COL21A1: variants seen among roughly 807,000 people sequenced by gnomAD.
The protein encoded by COL21A1 is collagen alpha-1(XXI) chain.
Under a neutral mutation model 137.9 loss-of-function variants are expected in COL21A1, and 149 were observed. That is an observed-to-expected ratio of 1.08 (90% CI 0.95 to 1.24). The LOEUF (loss-of-function observed/expected upper bound fraction) is 1.24, where lower values mean the gene tolerates loss of function less well. Ranked by LOEUF, COL21A1 falls within the 50% of genes most tolerant of loss-of-function variation. The probability of loss-of-function intolerance (pLI) is 0.00; values close to 1 mark genes in which losing one functional copy is unlikely to be tolerated. For missense variants in COL21A1, 1,167 were observed against 1,158.4 expected, an observed-to-expected ratio of 1.01 and a Z score of -0.11; for synonymous variants, 456 against 391.5, an observed-to-expected ratio of 1.16 and a Z score of -1.95.
chr6:56,367,529 G>A (rs933694498), intron 1 of COL21A1, among the ~76,000 whole-genome samples: 5 of 152,186 alleles, frequency 3.3e-5, no homozygotes, highest in African/African-American at 1.2e-4. Context: ...GACGCTTTGA[G>A]ACAATAAGGG....
Position 56,220,430 on chromosome 6 carries a change from G to A in COL21A1, c.-39+26957C>T, listed in dbSNP as rs147586802. 1.7e-3 allele frequency among the ~76,000 whole-genome samples: 265 copies of A among 152,258 alleles called. 2 individuals carry two copies. The highest frequency in any genetic ancestry group is 6.1e-3 in the African/African-American group (254 of 41,572). Reference sequence around the variant, plus strand: ...AACACAAAGGAAGTTTAAAATTGCTGAACAATATCAGTGTTGTCTATGCTT... The same window carrying A: ...AACACAAAGGAAGTTTAAAATTGCTAAACAATATCAGTGTTGTCTATGCTT... On this transcript the variant is annotated intron_variant, in intron 1 of 29. Transcript: ENST00000244728.
chr6:56,098,540 A>AAT (rs1361773614), intron 17 of COL21A1, among the ~76,000 whole-genome samples: 1 of 9,350 alleles, frequency 1.1e-4, no homozygotes, highest in African/African-American at 6.7e-4. Context: ...TATATATATA[A>AAT]ATATATAAAT....
intron 1 of COL21A1, among the ~76,000 whole-genome samples, chr6:56,340,851 T>C (rs1765450808): frequency 6.6e-6 from 1 of 152,214 alleles, no homozygotes; most frequent in South Asian, 2.1e-4. Context: ...AGTTGTTAGC[T>C]CATGGAGCAA....
At chr6:56,115,086 G>A (rs1281478805) in intron 16 of COL21A1, among the ~76,000 whole-genome samples, 2 of 150,852 alleles carry the variant, frequency 1.3e-5, no homozygotes, top group African/African-American at 2.4e-5. Context: ...TCACTCATAG[G>A]TGGGAATTGA....
At chr6:56,127,382 C>A (rs1047165568) in intron 12 of COL21A1, among the ~76,000 whole-genome samples, 1 of 152,166 alleles carries the variant, frequency 6.6e-6, no homozygotes, top group Non-Finnish European at 1.5e-5. Flanking sequence ...ACTCCAAAAT[C>A]TTTCCAACTG....
chr6:56,320,988 A>G (rs1778656885), intron 1 of COL21A1, among the ~76,000 whole-genome samples: 1 of 152,250 alleles, frequency 6.6e-6, no homozygotes, highest in Non-Finnish European at 1.5e-5. Flanking sequence ...GTGGGGATTC[A>G]ATATATATTA....
chr6:56,223,877 T>C (rs902045422), intron 1 of COL21A1, among the ~76,000 whole-genome samples: 11 of 152,058 alleles, frequency 7.2e-5, no homozygotes, highest in African/African-American at 2.7e-4. Flanking sequence ...TTTTTTAAAC[T>C]GTAAAGTATT....
intron 1 of COL21A1, among the ~76,000 whole-genome samples, chr6:56,390,560 G>A (rs116209007): frequency 0.02 from 2,942 of 143,700 alleles, 90 homozygotes; most frequent in African/African-American, 0.07. Context: ...CTGCCTACAA[G>A]AAATTCAATC....
At chr6:56,393,508 T>C (rs576281026) in intron 1 of COL21A1, among the ~76,000 whole-genome samples, 1 of 152,204 alleles carries the variant, frequency 6.6e-6, no homozygotes, top group African/African-American at 2.4e-5. Context: ...GAGTCACATT[T>C]AAGCTCAAAA....
chr6:56,381,234 T>G (rs959393329), intron 1 of COL21A1, among the ~76,000 whole-genome samples: 1 of 152,234 alleles, frequency 6.6e-6, no homozygotes, highest in Non-Finnish European at 1.5e-5. Context: ...TTTTTAATTT[T>G]TATGTGGTCG....
intron 1 of COL21A1, among the ~76,000 whole-genome samples, chr6:56,379,421 G>A (rs1050105312): frequency 3.9e-5 from 6 of 152,180 alleles, no homozygotes; most frequent in Non-Finnish European, 8.8e-5. Flanking sequence ...AGGCTGATCC[G>A]AAATGGGGAG....
intron 1 of COL21A1, among the ~76,000 whole-genome samples, chr6:56,389,892 T>G (rs2094025768): frequency 6.6e-6 from 1 of 152,180 alleles, no homozygotes; most frequent in Admixed American, 6.5e-5. Context: ...GTTGAGGGAT[T>G]TCATCAACAT....
rs919395065 is a variant in COL21A1 at position 56,126,119 on chromosome 6, G to T, written c.1573C>A (p.Leu525Ile). The change falls in exon 13 of 30, where the codon CTT becomes ATT. Residue 525 changes from leucine to isoleucine, a missense_variant. Transcript: ENST00000244728. ...ACCTTTGATCCTGGCATGCCATGAA[G>T]CCCAGGAAAACCAGGAAGTCCACGA... Reference protein sequence around the residue: ...GDRGLPGFPGLHGMPGSKGEM... With the variant: ...GDRGLPGFPGIHGMPGSKGEM... 1 of 1,548,454 alleles carries T rather than the reference G, an allele frequency of 6.5e-7. No individual in the cohort carries two copies. The highest frequency in any genetic ancestry group is 8.7e-7 in the Non-Finnish European group (1 of 1,145,242).
At chr6:56,097,691 C>G (rs66953461) in intron 17 of COL21A1, among the ~76,000 whole-genome samples, 103,679 of 141,846 alleles carry the variant, frequency 0.73, 38,475 homozygotes, top group East Asian at 0.87. Context: ...GGCGATAAAA[C>G]TGAGAAACAA....
At chr6:56,263,592 A>G (rs1763332439) in intron 1 of COL21A1, among the ~76,000 whole-genome samples, 1 of 152,260 alleles carries the variant, frequency 6.6e-6, no homozygotes, top group African/African-American at 2.4e-5. Flanking sequence ...AGTCCCACTC[A>G]AAACAATGCC....
chr6:56,260,627 G>GGAAGGAAGGAAGGAAGGAAGGAAT (rs1763233392), intron 1 of COL21A1, among the ~76,000 whole-genome samples: 1 of 35,344 alleles, frequency 2.8e-5, no homozygotes, highest in Middle Eastern at 9.1e-3. Context: ...GAGAGAGAGA[G>GGAAGGAAGGAAGGAAGGAAGGAAT]GAAGGAAGGA....
At chr6:56,384,255 C>T (rs1216134604) in intron 1 of COL21A1, among the ~76,000 whole-genome samples, 1 of 152,210 alleles carries the variant, frequency 6.6e-6, no homozygotes, top group Non-Finnish European at 1.5e-5. Flanking sequence ...ACCTAAGGTA[C>T]AACTACCACT....
chr6:56,062,385 G>A (rs1192389288), intron 24 of COL21A1, among the ~76,000 whole-genome samples: 2 of 152,028 alleles, frequency 1.3e-5, no homozygotes, highest in South Asian at 2.1e-4. Flanking sequence ...TTTCAGTGGT[G>A]TATTATAGAG....
chr6:56,085,212 A>C (rs906256077), intron 17 of COL21A1, among the ~76,000 whole-genome samples: 9 of 152,090 alleles, frequency 5.9e-5, no homozygotes, highest in Non-Finnish European at 8.8e-5. Context: ...TCTGGAAAAA[A>C]TAATAACCTA....
Sources: allele counts gnomAD v4.1 joint callset (sites outside exome capture counted in the v4.1 genomes callset), GRCh38; gene constraint gnomAD v4.1.1; transcripts MANE v1.5; gene names NCBI Gene and HGNC (gene_info 2026-07-23, HGNC 2026-07-21).